The following DOCK9 variants were observed in gnomAD, a reference collection of about 807,000 sequenced individuals.
The protein encoded by DOCK9 is dedicator of cytokinesis protein 9.
DOCK9 carries 89 observed loss-of-function variants against 263.3 expected under a neutral mutation model. The ratio of observed to expected loss-of-function variants is 0.34; its 90% CI spans 0.28 to 0.40. DOCK9 has a LOEUF of 0.40. DOCK9 is among the 10% of genes least tolerant of loss of function. The pLI is 1.00. For synonymous variants in DOCK9, 976 were observed against 973.1 expected (o/e 1.00, Z -0.06); for missense variants, 2,140 against 2,603.4 (o/e 0.82, Z 3.87).
At chr13:98,827,293 T>C (rs1265061919) in intron 43 of DOCK9, among the ~76,000 whole-genome samples, 1 of 152,254 alleles carries the variant, frequency 6.6e-6, no homozygotes, top group Non-Finnish European at 1.5e-5. Context: ...CAGGTGCTAA[T>C]ATATTTTTCG....
At chr13:99,003,031 A>AG (rs1380002538) in intron 1 of DOCK9, among the ~76,000 whole-genome samples, 1 of 151,902 alleles carries the variant, frequency 6.6e-6, no homozygotes, top group Non-Finnish European at 1.5e-5. Flanking sequence ...AGGGGAGGGG[A>AG]GGGGAAAGAA....
At chr13:99,008,258 G>A (rs1286384215) in intron 1 of DOCK9, among the ~76,000 whole-genome samples, 1 of 122,076 alleles carries the variant, frequency 8.2e-6, no homozygotes, top group African/African-American at 3.1e-5. Context: ...TTGAGACGAA[G>A]TCTCATTCTT....
At chr13:98,883,473 C>T (rs567636353) in intron 22 of DOCK9, among the ~76,000 whole-genome samples, 43 of 152,298 alleles carry the variant, frequency 2.8e-4, no homozygotes, top group African/African-American at 9.9e-4. Flanking sequence ...TCTCAAACCC[C>T]TGGGCTAAAG....
chr13:99,057,433 G>A (rs1006004636), intron 1 of DOCK9, among the ~76,000 whole-genome samples: 2 of 152,138 alleles, frequency 1.3e-5, no homozygotes, highest in African/African-American at 4.8e-5. Context: ...ACTAAGGCAC[G>A]GTAAGTCCTG....
At chr13:98,938,105 A>G (rs573673200) in intron 2 of DOCK9, among the ~76,000 whole-genome samples, 3 of 152,300 alleles carry the variant, frequency 2.0e-5, no homozygotes, top group South Asian at 2.1e-4. Flanking sequence ...CCTGACCCCA[A>G]CCTGGCCGGG....
chr13:98,891,173 C>T (rs888306641), intron 15 of DOCK9, among the ~76,000 whole-genome samples: 1 of 152,098 alleles, frequency 6.6e-6, no homozygotes, highest in African/African-American at 2.4e-5. Flanking sequence ...CCAGCATCTC[C>T]CAAGCTCTGG....
chr13:98,862,918 G>A, intron 32 of DOCK9, 101 bp downstream of exon 32: 7 of 984,080 alleles, frequency 7.1e-6, no homozygotes, highest in Non-Finnish European at 1.1e-5. Flanking sequence ...GACTGGGAGA[G>A]AATAAACTGC....
chr13:98,808,139 T>C (rs2090928368), intron 47 of DOCK9, among the ~76,000 whole-genome samples: 1 of 152,016 alleles, frequency 6.6e-6, no homozygotes, highest in African/African-American at 2.4e-5. Context: ...CACTAGAAAA[T>C]GATGAGCAGC....
chr13:98,997,084 TGGAAAAGAG>T (rs1258418319), intron 1 of DOCK9, among the ~76,000 whole-genome samples: 3 of 152,158 alleles, frequency 2.0e-5, no homozygotes, highest in Non-Finnish European at 4.4e-5. Flanking sequence ...AAGAGGACAG[TGGAAAAGAG>T]GGAAAAGAGG....
At chr13:98,842,026 T>C (rs2093238850) in intron 38 of DOCK9, among the ~76,000 whole-genome samples, 1 of 152,216 alleles carries the variant, frequency 6.6e-6, no homozygotes, top group Non-Finnish European at 1.5e-5. Flanking sequence ...TTATCCATGC[T>C]TTAAAACTTT....
At chr13:99,044,625 T>G (rs775483979) in intron 1 of DOCK9, among the ~76,000 whole-genome samples, 6 of 152,086 alleles carry the variant, frequency 3.9e-5, no homozygotes, top group Non-Finnish European at 8.8e-5. Flanking sequence ...ATGTGCAAAT[T>G]TTGCCACCAA....
intron 38 of DOCK9, among the ~76,000 whole-genome samples, chr13:98,838,490 CAT>C (rs748722875): frequency 9.1e-4 from 139 of 152,314 alleles, no homozygotes; most frequent in Non-Finnish European, 1.6e-3. Context: ...TAAAAGCCAA[CAT>C]GTCTGAAAGA....
At chr13:98,884,617 C>G (rs1431732527) in intron 21 of DOCK9, among the ~76,000 whole-genome samples, 1 of 152,226 alleles carries the variant, frequency 6.6e-6, no homozygotes, top group African/African-American at 2.4e-5. Context: ...ACTTGACTTA[C>G]TTTAAGCTGG....
rs1400870171 is a variant in DOCK9 at position 98,797,246 on chromosome 13, C to T, written c.6025G>A (p.Val2009Met). The T allele has an allele frequency of 6.2e-7, 1 of 1,613,844 alleles. No individual in the cohort carries two copies. The highest frequency in any genetic ancestry group is 8.5e-7 in the Non-Finnish European group (1 of 1,179,886). Residue 2009 changes from valine (V) to methionine (M), a missense_variant, in exon 52 of 53, where the codon GTG (valine) becomes ATG (methionine). By Grantham distance (21) the Val-to-Met change is conservative. This residue lies in a region of DOCK9 where 619 missense variants were observed against 861.8 expected (regional missense o/e 0.72). Coordinates refer to ENST00000682017, the MANE Select transcript of DOCK9 (RefSeq NM_001366683.2). ...KLLKEVFRQF[V>M]EACGQALAVN... ...GCTAAGGCTTGACCGCAAGCTTCCA[C>T]AAATTGCCTGGAATGGTACAGGCGG...
intron 37 of DOCK9, chr13:98,846,557 C>T: frequency 7.4e-7 from 1 of 1,352,030 alleles, no homozygotes; most frequent in Non-Finnish European, 9.8e-7. Flanking sequence ...CTTTGTTAAA[C>T]TTGTCAGCAG....
chr13:98,893,473 T>C (rs2139149756), intron 15 of DOCK9, among the ~76,000 whole-genome samples: 1 of 152,340 alleles, frequency 6.6e-6, no homozygotes, highest in African/African-American at 2.4e-5. Context: ...TCTCTTCTTA[T>C]AAAATGTTAG....
At chr13:98,803,082 G>A (rs990630753) in intron 49 of DOCK9, among the ~76,000 whole-genome samples, 2 of 152,144 alleles carry the variant, frequency 1.3e-5, no homozygotes, top group African/African-American at 4.8e-5. Flanking sequence ...CAGGCCTACA[G>A]GACCCCCAGG....
chr13:98,809,739 C>T (rs1402450465), intron 46 of DOCK9, among the ~76,000 whole-genome samples: 5 of 152,204 alleles, frequency 3.3e-5, no homozygotes, highest in Admixed American at 6.5e-5. Flanking sequence ...GGTTCCCCAA[C>T]GTGATTCTTG....
At chr13:98,911,294 A>G (rs1463798918) in intron 9 of DOCK9, among the ~76,000 whole-genome samples, 2 of 152,232 alleles carry the variant, frequency 1.3e-5, no homozygotes, top group African/African-American at 2.4e-5. Flanking sequence ...GGTTTTGACC[A>G]TGACTCCTGG....
Sources: allele counts gnomAD v4.1 joint callset (sites outside exome capture counted in the v4.1 genomes callset), GRCh38; gene constraint gnomAD v4.1.1; regional missense constraint gnomAD v4.1.1; transcripts MANE v1.5; gene names NCBI Gene and HGNC (gene_info 2026-07-23, HGNC 2026-07-21).